Variants in SHISA9 observed in about 807,000 individuals in gnomAD.
SHISA9 encodes protein shisa-9.
In SHISA9, 13 loss-of-function variants were observed where a neutral mutation model predicts 38.0. The ratio of observed to expected loss-of-function variants is 0.34; its 90% confidence interval spans 0.22 to 0.54. The LOEUF is 0.54. Among genes scored for constraint, SHISA9 ranks in the 20% least tolerant of loss-of-function variants. The probability of loss-of-function intolerance (pLI) is 0.91; values close to 1 mark genes in which losing one functional copy is unlikely to be tolerated. For missense variants in SHISA9, 538 were observed against 575.8 expected (o/e 0.93, Z 0.67); for synonymous variants, 275 against 242.0 (o/e 1.14, Z -1.27).
At chr16:13,453,083 A>G in the SHISA9 span, among the ~76,000 whole-genome samples, 1 of 151,424 alleles carries the variant, frequency 6.6e-6, no homozygotes, top group Non-Finnish European at 1.5e-5. Flanking sequence ...TAATTTTTGT[A>G]TTTTGTATGT....
chr16:13,083,485 G>A (rs182095848), intron 2 of SHISA9, among the ~76,000 whole-genome samples: 5 of 152,188 alleles, frequency 3.3e-5, no homozygotes, highest in African/African-American at 1.2e-4. Context: ...CCAGAGAAGG[G>A]TAGTGAGGAA....
chr16:12,985,873 GT>G (rs1360272539), intron 2 of SHISA9, among the ~76,000 whole-genome samples: 1 of 152,160 alleles, frequency 6.6e-6, no homozygotes, highest in Non-Finnish European at 1.5e-5. Flanking sequence ...ATGCCTAAGA[GT>G]TTGTATCCTG....
In SHISA9 at chr16:13,179,656, T is replaced by C. The variant is rs537133094; in HGVS notation, c.692-23738T>C. On this transcript the variant is annotated intron_variant, in intron 2 of 4. Coordinates refer to ENST00000558583, the MANE Select transcript of SHISA9 (RefSeq NM_001145204.3). ...AATGATGGTCCCCTGGGAATGACAG[T>C]GGGGCTGTGGGAAAGGCAAAGGTTC... 2.0e-5 allele frequency among the ~76,000 whole-genome samples: 3 copies of C among 152,268 alleles called. No homozygotes were observed. The East Asian group carries it at 5.8e-4, about 29-fold the overall frequency.
intron 2 of SHISA9, among the ~76,000 whole-genome samples, chr16:13,014,886 A>G (rs1481884256): frequency 2.0e-5 from 3 of 152,178 alleles, no homozygotes; most frequent in Non-Finnish European, 2.9e-5. Flanking sequence ...CTTTTCACCC[A>G]TTATTTAGTT....
chr16:13,139,630 C>T (rs1429820990), intron 2 of SHISA9, among the ~76,000 whole-genome samples: 3 of 151,878 alleles, frequency 2.0e-5, no homozygotes, highest in Non-Finnish European at 4.4e-5. Context: ...GTCTGTAGCA[C>T]GAGTCTCCTC....
At chr16:13,435,068 C>T in the SHISA9 span, among the ~76,000 whole-genome samples, 1 of 152,174 alleles carries the variant, frequency 6.6e-6, no homozygotes, top group African/African-American at 2.4e-5. Flanking sequence ...TTTTTTCAAA[C>T]ATACTTTCCT....
the SHISA9 span, among the ~76,000 whole-genome samples, chr16:13,447,967 A>G: frequency 6.6e-6 from 1 of 152,206 alleles, no homozygotes; most frequent in Admixed American, 6.5e-5. Context: ...ATGTGCTCCA[A>G]AGTCACTTAG....
chr16:13,474,633 A>G, the SHISA9 span, among the ~76,000 whole-genome samples: 2 of 152,232 alleles, frequency 1.3e-5, no homozygotes, highest in African/African-American at 4.8e-5. Context: ...TAAATAAAAT[A>G]AAAATAGAAG....
At chr16:12,992,389 G>A (rs970919457) in intron 2 of SHISA9, among the ~76,000 whole-genome samples, 11 of 146,994 alleles carry the variant, frequency 7.5e-5, no homozygotes, top group Non-Finnish European at 1.5e-4. Flanking sequence ...AAAGTAAACC[G>A]GGTGTGGTGG....
At chr16:13,029,491 C>T (rs555403599) in intron 2 of SHISA9, among the ~76,000 whole-genome samples, 26 of 152,276 alleles carry the variant, frequency 1.7e-4, no homozygotes, top group Middle Eastern at 3.4e-3. Flanking sequence ...GCTTGTGGTC[C>T]GAGCCTACTC....
At chr16:13,104,994 A>C (rs538891463) in intron 2 of SHISA9, among the ~76,000 whole-genome samples, 2 of 152,224 alleles carry the variant, frequency 1.3e-5, no homozygotes, top group African/African-American at 4.8e-5. Context: ...CCTGTCCATA[A>C]AATGGGCGTA....
chr16:13,562,473 T>C, the SHISA9 span, among the ~76,000 whole-genome samples: 2 of 151,642 alleles, frequency 1.3e-5, no homozygotes, highest in Non-Finnish European at 2.9e-5. Context: ...CTACTAAAAA[T>C]ACAAAAATTA....
the SHISA9 span, among the ~76,000 whole-genome samples, chr16:13,527,697 G>C: frequency 3.7e-4 from 57 of 152,254 alleles, 1 homozygote; most frequent in East Asian, 8.3e-3. Flanking sequence ...TGTTTGCCCC[G>C]ACACTCAGAT....
At chr16:13,086,065 AT>A (rs2073706956) in intron 2 of SHISA9, among the ~76,000 whole-genome samples, 1 of 152,218 alleles carries the variant, frequency 6.6e-6, no homozygotes, top group South Asian at 2.1e-4. Flanking sequence ...GAAATCAATT[AT>A]ATTGTCATTG....
intron 2 of SHISA9, among the ~76,000 whole-genome samples, chr16:12,950,531 A>ATGTAAATTAGTACAGCCGC (rs1555502854): frequency 6.6e-6 from 1 of 152,168 alleles, no homozygotes; most frequent in Non-Finnish European, 1.5e-5. Context: ...GTTAGTGGTA[A>ATGTAAATTAGTACAGCCGC]TGTAAATTAG....
chr16:13,345,727 A>C, the SHISA9 span, among the ~76,000 whole-genome samples: 2 of 152,136 alleles, frequency 1.3e-5, no homozygotes, highest in Non-Finnish European at 2.9e-5. Context: ...ACAGTGTATA[A>C]GTGTTTCTTT....
chr16:13,114,908 A>T (rs1419207904), intron 2 of SHISA9, among the ~76,000 whole-genome samples: 1 of 151,046 alleles, frequency 6.6e-6, no homozygotes, highest in South Asian at 2.1e-4. Context: ...AACTCCATCC[A>T]TCCATCCATC....
At chr16:13,171,922 A>G (rs966844349) in intron 2 of SHISA9, among the ~76,000 whole-genome samples, 3 of 152,180 alleles carry the variant, frequency 2.0e-5, no homozygotes, top group African/African-American at 7.2e-5. Context: ...GATACTAATA[A>G]CAGGACTTAC....
the SHISA9 span, among the ~76,000 whole-genome samples, chr16:13,358,186 C>G: frequency 6.6e-6 from 1 of 152,110 alleles, no homozygotes; most frequent in Non-Finnish European, 1.5e-5. Flanking sequence ...TAGTGACTAT[C>G]TGGGATACTG....
Sources: allele counts gnomAD v4.1 joint callset (sites outside exome capture counted in the v4.1 genomes callset), GRCh38; gene constraint gnomAD v4.1.1; transcripts MANE v1.5; gene names NCBI Gene and HGNC (gene_info 2026-07-23, HGNC 2026-07-21).